Variants in SEMA4G observed in about 807,000 individuals in gnomAD.
The protein encoded by SEMA4G is semaphorin 4G.
A neutral mutation model predicts 81.2 loss-of-function variants in SEMA4G; 59 were observed. The ratio of observed to expected loss-of-function variants is 0.73; its 90% CI spans 0.59 to 0.90. SEMA4G has a LOEUF of 0.90. Among genes scored for constraint, SEMA4G ranks in the 40% least tolerant of loss-of-function variants. The pLI is 0.00. For synonymous variants in SEMA4G, 404 were observed against 433.9 expected, an observed-to-expected ratio of 0.93 and a Z score of 0.86; for missense variants, 952 against 1,102.3, an observed-to-expected ratio of 0.86 and a Z score of 1.93.
intron 13 of SEMA4G, among the ~76,000 whole-genome samples, chr10:100,982,154 C>T (rs1215409626): frequency 6.6e-6 from 1 of 151,576 alleles, no homozygotes; most frequent in Non-Finnish European, 1.5e-5. Flanking sequence ...ACTATGCTAT[C>T]TCCCACAAGT....
chr10:100,974,843 G>A (rs536438276), intron 3 of SEMA4G: 2 of 377,252 alleles, frequency 5.3e-6, no homozygotes, highest in Non-Finnish European at 1.0e-5. Flanking sequence ...TGGGCATGGT[G>A]GGTCACACTT....
chr10:100,971,349 G>A (rs1177411016), upstream of SEMA4G, among the ~76,000 whole-genome samples: 1 of 152,214 alleles, frequency 6.6e-6, no homozygotes, highest in Non-Finnish European at 1.5e-5. Flanking sequence ...GGCATGGCCG[G>A]CTTGCCTGAA....
chr10:100,971,265 A>G (rs1850624685), upstream of SEMA4G, among the ~76,000 whole-genome samples: 1 of 152,146 alleles, frequency 6.6e-6, no homozygotes, highest in Non-Finnish European at 1.5e-5. Context: ...AGTGCTCCCC[A>G]CACACATGCC....
intron 13 of SEMA4G, chr10:100,981,585 T>C: frequency 6.2e-7 from 1 of 1,609,866 alleles, no homozygotes; most frequent in Non-Finnish European, 8.5e-7. Flanking sequence ...CTAAGATGTA[T>C]TAAGTATTTA....
exon 4 of SEMA4G, chr10:100,977,684 T>C: frequency 6.2e-7 from 1 of 1,614,146 alleles, no homozygotes; most frequent in Non-Finnish European, 8.5e-7. Context: ...TCTACCCACC[T>C]CTATGCATGT....
intron 4 of SEMA4G, chr10:100,977,949 C>T: frequency 1.7e-6 from 1 of 580,922 alleles, no homozygotes; most frequent in South Asian, 2.0e-5. Context: ...TAGCATCCTC[C>T]CCCTAATCAC....
intron 13 of SEMA4G, chr10:100,981,473 G>A: frequency 1.9e-6 from 3 of 1,614,220 alleles, no homozygotes; most frequent in South Asian, 1.1e-5. Flanking sequence ...TTATAGCCAA[G>A]TAGTGGATGA....
rs1022071364 is a variant in SEMA4G at position 100,979,088 on chromosome 10, C to G, written c.814-14C>G. ...CTGACCCTGGCCCCTTATCCCGTGC[C>G]TCTACCTCCCCAGGGAGACCTGGGA... On this transcript the variant is annotated splice_polypyrimidine_tract_variant and intron_variant, in intron 7 of 13. Transcript: ENST00000370250. The G allele has an allele frequency of 6.2e-7, 1 of 1,613,716 alleles. No homozygotes were observed. The highest frequency in any genetic ancestry group is 8.5e-7 in the Non-Finnish European group (1 of 1,179,734).
exon 14 of SEMA4G, chr10:100,983,637 C>T: frequency 1.2e-6 from 2 of 1,613,946 alleles, no homozygotes; most frequent in South Asian, 1.1e-5. Flanking sequence ...TGATGTGAGA[C>T]TGCTCTATGT....
chr10:100,981,237 A>C lies in SEMA4G; in HGVS notation c.1690+8A>C, dbSNP rs1254015064. 1.2e-6 allele frequency: 2 copies of C among 1,613,808 alleles called. No individual in the cohort carries two copies. The highest frequency in any genetic ancestry group is 3.3e-5 in the Admixed American group (2 of 59,994). On this transcript the variant is annotated splice_region_variant and intron_variant, in intron 13 of 13. Transcript: ENST00000370250. ...AGAGCAGCAGGGATACAGGTAAGTG[A>C]CTCATATGAGTGTGGGTCTAGCTAC... is the stretch of plus-strand genomic sequence containing the variant.
At chr10:100,978,611 C>A in exon 6 of SEMA4G, 1 of 1,614,118 alleles carries the variant, frequency 6.2e-7, no homozygotes, top group Non-Finnish European at 8.5e-7. Flanking sequence ...TCCCTGAGAA[C>A]TGAGGAGACA....
At chr10:100,972,435 CCTT>C, upstream of SEMA4G, 1 of 154,692 alleles carries the variant, frequency 6.5e-6, no homozygotes, top group East Asian at 1.9e-4. Flanking sequence ...TGCTGGGCCT[CCTT>C]CTTTCAGTGC....
At chr10:100,980,974 A>G (rs1229597463) in exon 12 of SEMA4G, 2 of 1,602,052 alleles carry the variant, frequency 1.2e-6, no homozygotes, top group Non-Finnish European at 1.7e-6. Flanking sequence ...CCACCACCAT[A>G]GCCAACAGGT....
chr10:100,979,713 C>T (rs745995693), intron 8 of SEMA4G, 135 bp from the exon 10 acceptor site: 12 of 1,002,104 alleles, frequency 1.2e-5, no homozygotes, highest in Non-Finnish European at 1.6e-5. Flanking sequence ...CAGTGGTCCA[C>T]TGACTCACAG....
upstream of SEMA4G, among the ~76,000 whole-genome samples, chr10:100,971,256 G>A (rs548048300): frequency 5.5e-4 from 83 of 152,286 alleles, no homozygotes; most frequent in African/African-American, 1.9e-3. Context: ...CCTAGCCATA[G>A]TGCTCCCCAC....
At chr10:100,979,866 A>G in exon 9 of SEMA4G, 2 of 1,613,898 alleles carry the variant, frequency 1.2e-6, no homozygotes, top group Non-Finnish European at 1.7e-6. Context: ...TGGAGGCCTC[A>G]GCCATCTGCC....
intron 3 of SEMA4G, among the ~76,000 whole-genome samples, chr10:100,975,881 G>A (rs950865321): frequency 5.3e-5 from 8 of 152,046 alleles, no homozygotes; most frequent in Admixed American, 3.9e-4. Flanking sequence ...CCTAGCGGCA[G>A]AGCAAGACTC....
chr10:100,973,280 C>G lies in SEMA4G; in HGVS notation c.273+3C>G. 1 of 1,612,460 alleles carries G rather than the reference C, an allele frequency of 6.2e-7. No homozygotes were observed. The highest frequency in any genetic ancestry group is 8.5e-7 in the Non-Finnish European group (1 of 1,180,014). ...TAGGAGATGGGGCTCACAAAGAGGT[C>G]AGGCCCTGGAACCTGGACCACCCAG... On this transcript the variant is annotated splice_donor_region_variant and intron_variant, in intron 2 of 13. Transcript: ENST00000370250. The surrounding 1 kb of genome is among the most constrained non-coding windows in gnomAD (Gnocchi z 5.5).
intron 12 of SEMA4G, 41 bp downstream of exon 13, chr10:100,981,038 T>G (rs770261984): frequency 1.3e-6 from 2 of 1,595,534 alleles, no homozygotes; most frequent in Admixed American, 1.7e-5. Context: ...GTGGTCTGAG[T>G]GGAGGAGGAA....
Sources: gnomAD v4.1 joint callset for allele counts (sites outside exome capture counted in the v4.1 genomes callset) on GRCh38, gnomAD v4.1.1 for gene constraint, Gnocchi (gnomAD v3.1) non-coding constraint, MANE v1.5 for transcripts, NCBI Gene and HGNC (gene_info 2026-07-23, HGNC 2026-07-21) for gene names.